The following SPOCK3 variants were observed in gnomAD, a reference collection of about 807,000 sequenced individuals.
The protein encoded by SPOCK3 is SPARC (osteonectin), cwcv and kazal like domains proteoglycan 3.
SPOCK3 carries 30 observed loss-of-function variants against 56.6 expected under a neutral mutation model. The ratio of observed to expected loss-of-function variants is 0.53; its 90% confidence interval spans 0.40 to 0.72. The LOEUF is 0.72. Ranked by LOEUF, SPOCK3 falls within the 30% of genes least tolerant of loss-of-function variation. SPOCK3 has a pLI of 0.00. For missense variants in SPOCK3, 527 were observed against 530.0 expected (o/e 0.99, Z 0.06); for synonymous variants, 196 against 183.3 (o/e 1.07, Z -0.56).
intron 2 of SPOCK3, among the ~76,000 whole-genome samples, chr4:167,120,080 T>G (rs538990390): frequency 6.6e-6 from 1 of 152,202 alleles, no homozygotes; most frequent in African/African-American, 2.4e-5. Context: ...AATGTACACA[T>G]ACATATCTTT....
At chr4:167,171,687 T>C (rs1450438052) in intron 2 of SPOCK3, among the ~76,000 whole-genome samples, 1 of 152,036 alleles carries the variant, frequency 6.6e-6, no homozygotes, top group Non-Finnish European at 1.5e-5. Context: ...AGTAAGAATA[T>C]TTTGAAAGTT....
At chr4:167,076,589 A>G (rs1395340290) in intron 2 of SPOCK3, among the ~76,000 whole-genome samples, 3 of 151,928 alleles carry the variant, frequency 2.0e-5, no homozygotes, top group Non-Finnish European at 2.9e-5. Context: ...GATTTTAAAT[A>G]ATGCTTACAC....
chr4:167,232,749 T>A (rs1561352125), intron 2 of SPOCK3, among the ~76,000 whole-genome samples: 1 of 152,196 alleles, frequency 6.6e-6, no homozygotes, highest in East Asian at 1.9e-4. Flanking sequence ...CATTAAATAT[T>A]CTCAATCAAA....
intron 2 of SPOCK3, among the ~76,000 whole-genome samples, chr4:167,105,524 T>A (rs1449553938): frequency 6.8e-4 from 52 of 76,258 alleles, no homozygotes; most frequent in African/African-American, 1.1e-3. Context: ...AAAAGAAAGA[T>A]AGGAAGGAAG....
intron 6 of SPOCK3, among the ~76,000 whole-genome samples, chr4:166,832,427 G>A (rs1746180845): frequency 6.6e-6 from 1 of 152,060 alleles, no homozygotes; most frequent in South Asian, 2.1e-4. Flanking sequence ...ATGATGGTGA[G>A]GCTGAGGAGA....
intron 5 of SPOCK3, among the ~76,000 whole-genome samples, chr4:166,899,907 C>T (rs1220773170): frequency 3.3e-5 from 5 of 152,282 alleles, no homozygotes; most frequent in Admixed American, 2.6e-4. Flanking sequence ...TTGATTCTTA[C>T]CACCAAAATG....
intron 2 of SPOCK3, among the ~76,000 whole-genome samples, chr4:167,077,055 T>C (rs915250997): frequency 1.1e-4 from 17 of 151,928 alleles, no homozygotes; most frequent in African/African-American, 4.1e-4. Flanking sequence ...AATATGTCAA[T>C]TGAGATCAAA....
chr4:167,219,240 C>T lies in SPOCK3; in HGVS notation c.189+14745G>A, dbSNP rs111552914. ...GACTAGGAGGTTGTCTATAATTTCA[C>T]ACTATACTGTATGCCATGAAAGGCT... On this transcript the variant is annotated intron_variant, in intron 2 of 10. Transcript: ENST00000357545. Among the ~76,000 whole-genome samples, 804 of 152,246 alleles carry T rather than the reference C, an allele frequency of 5.3e-3. 2 individuals carry two copies. Among genetic ancestry groups the T allele is most frequent in the Middle Eastern group, 0.017 (5 of 294 alleles).
chr4:167,074,774 CTT>C (rs1757020858), intron 2 of SPOCK3, among the ~76,000 whole-genome samples: 1 of 151,816 alleles, frequency 6.6e-6, no homozygotes, highest in African/African-American at 2.4e-5. Context: ...TCTGGAAACT[CTT>C]TTTCTCATTT....
At chr4:167,199,003 C>T (rs1237281609) in intron 2 of SPOCK3, among the ~76,000 whole-genome samples, 4 of 151,882 alleles carry the variant, frequency 2.6e-5, no homozygotes. Flanking sequence ...TTGCATTGGC[C>T]ATAAGTATAT....
chr4:167,057,080 C>T (rs1306653853), intron 3 of SPOCK3, among the ~76,000 whole-genome samples: 9 of 152,138 alleles, frequency 5.9e-5, no homozygotes, highest in South Asian at 2.1e-4. Flanking sequence ...AGACTAACAG[C>T]GGATCTCTCG....
At chr4:166,841,164 T>C (rs1345134795) in intron 6 of SPOCK3, among the ~76,000 whole-genome samples, 1 of 152,100 alleles carries the variant, frequency 6.6e-6, no homozygotes, top group African/African-American at 2.4e-5. Context: ...AGTTTACCTC[T>C]TCAATTATTG....
chr4:167,124,584 T>C (rs1232371368), intron 2 of SPOCK3, among the ~76,000 whole-genome samples: 1 of 152,180 alleles, frequency 6.6e-6, no homozygotes, highest in Non-Finnish European at 1.5e-5. Flanking sequence ...GTCAACAGCG[T>C]AACCCATTTA....
At chr4:167,111,997 C>T (rs1430531677) in intron 2 of SPOCK3, among the ~76,000 whole-genome samples, 1 of 152,010 alleles carries the variant, frequency 6.6e-6, no homozygotes, top group African/African-American at 2.4e-5. Context: ...TGGGCTCAAG[C>T]AATCCTCCTG....
rs147014848 is a variant in SPOCK3 at position 166,932,880 on chromosome 4, A to G, written c.351-20137T>C. Among the ~76,000 whole-genome samples the G allele has an allele frequency of 7.7e-3, 1,179 of 152,272 alleles. 13 individuals are homozygous for G. Among genetic ancestry groups the G allele is most frequent in the African/African-American group, 0.027 (1,108 of 41,566 alleles). ...TTAAGAACTATCTAATTGATAGGGG[A>G]AAGATTTATTGTGTGTCTAGTATCC... On this transcript the variant is annotated intron_variant, in intron 4 of 10. Coordinates refer to ENST00000357545, the MANE Select transcript of SPOCK3 (RefSeq NM_001040159.2).
intron 6 of SPOCK3, among the ~76,000 whole-genome samples, chr4:166,833,395 TATTG>T (rs1394037162): frequency 6.6e-6 from 1 of 152,176 alleles, no homozygotes; most frequent in Non-Finnish European, 1.5e-5. Flanking sequence ...TCTATAAACT[TATTG>T]ATTTTCTCAA....
chr4:167,167,976 A>G (rs1730140859), intron 2 of SPOCK3, among the ~76,000 whole-genome samples: 1 of 152,068 alleles, frequency 6.6e-6, no homozygotes, highest in African/African-American at 2.4e-5. Context: ...ATGGTAGTGA[A>G]TAAGTCTCAT....
chr4:167,212,864 G>A lies in SPOCK3; in HGVS notation c.189+21121C>T, dbSNP rs555397392. 1.1e-4 allele frequency among the ~76,000 whole-genome samples: 17 copies of A among 152,220 alleles called. No individual in the cohort carries two copies. In the South Asian group the frequency reaches 3.5e-3, roughly 32 times the overall value. On this transcript the variant is annotated intron_variant, in intron 2 of 10. Coordinates refer to ENST00000357545, the MANE Select transcript of SPOCK3 (RefSeq NM_001040159.2). ...TACTCTAGGGTATTAGAAACAGTGT[G>A]GTCAAGGTATTTTAGAAAATTAGAG...
intron 6 of SPOCK3, among the ~76,000 whole-genome samples, chr4:166,845,569 T>C (rs1747974910): frequency 1.3e-5 from 2 of 152,306 alleles, no homozygotes; most frequent in South Asian, 4.1e-4. Flanking sequence ...GTAAACAATG[T>C]CTCTAGGAGA....
Sources: gnomAD v4.1 joint callset for allele counts (sites outside exome capture counted in the v4.1 genomes callset) on GRCh38, gnomAD v4.1.1 for gene constraint, MANE v1.5 for transcripts, NCBI Gene and HGNC (gene_info 2026-07-23, HGNC 2026-07-21) for gene names.